SPECC1L: variants seen among roughly 807,000 people sequenced by gnomAD.
The protein encoded by SPECC1L is sperm antigen with calponin homology and coiled-coil domains 1 like.
Under a neutral mutation model 116.8 loss-of-function variants are expected in SPECC1L, and 40 were observed. The ratio of observed to expected loss-of-function variants is 0.34; its 90% CI spans 0.27 to 0.45. The LOEUF is 0.45. SPECC1L is among the 20% of genes least tolerant of loss of function. SPECC1L has a pLI of 1.00. For missense variants in SPECC1L, 1,110 were observed against 1,373.6 expected, an observed-to-expected ratio of 0.81 and a Z score of 3.03; for synonymous variants, 504 against 500.6, an observed-to-expected ratio of 1.01 and a Z score of -0.09.
Position 24,370,923 on chromosome 22 carries a change from A to AG in SPECC1L, c.3087+1606dup, listed in dbSNP as rs770045749. 4.0e-5 allele frequency among the ~76,000 whole-genome samples: 6 copies of AG among 150,726 alleles called. No individual in the cohort carries two copies. The South Asian group carries it at 6.3e-4, about 16-fold the overall frequency. ...AATGATGGTTGCCAGGGGCTGGGGG[A>AG]GGGAAAAAAGAAAGGGGGTGGGTAC... is the stretch of plus-strand genomic sequence containing the variant. On this transcript the variant is annotated intron_variant, in intron 14 of 16. Coordinates refer to ENST00000314328, the MANE Select transcript of SPECC1L (RefSeq NM_015330.6).
At chr22:24,317,235 G>T (rs1372806526) in intron 4 of SPECC1L, among the ~76,000 whole-genome samples, 1 of 101,762 alleles carries the variant, frequency 9.8e-6, no homozygotes, top group African/African-American at 3.5e-5. Context: ...CTCACCTCCC[G>T]GATGGGGCGG....
At chr22:24,342,033 A>G (rs902782299) in intron 10 of SPECC1L, among the ~76,000 whole-genome samples, 3 of 152,238 alleles carry the variant, frequency 2.0e-5, no homozygotes, top group Non-Finnish European at 4.4e-5. Flanking sequence ...CACAGAAACT[A>G]TGAGATCATA....
chr22:24,315,383 T>A (rs974752759), intron 4 of SPECC1L, among the ~76,000 whole-genome samples: 1 of 152,284 alleles, frequency 6.6e-6, no homozygotes, highest in African/African-American at 2.4e-5. Context: ...ATGAGAAAGC[T>A]TAAGTGTCTT....
chr22:24,410,184 G>T (rs542153617), intron 14 of SPECC1L, among the ~76,000 whole-genome samples: 3 of 152,302 alleles, frequency 2.0e-5, no homozygotes, highest in Admixed American at 6.5e-5. Context: ...AGATGGGGGG[G>T]ATCTCACTGT....
chr22:24,413,171 G>A (rs954000762), intron 16 of SPECC1L, among the ~76,000 whole-genome samples: 2 of 152,214 alleles, frequency 1.3e-5, no homozygotes, highest in Non-Finnish European at 2.9e-5. Context: ...GGCTGGACCG[G>A]GGAGGCTCCT....
chr22:24,406,366 G>C (rs2042590728), intron 14 of SPECC1L, among the ~76,000 whole-genome samples: 1 of 152,166 alleles, frequency 6.6e-6, no homozygotes, highest in Non-Finnish European at 1.5e-5. Flanking sequence ...CAGTAGGGAA[G>C]ACAGGGCATG....
intron 13 of SPECC1L, among the ~76,000 whole-genome samples, chr22:24,368,942 C>A (rs747656802): frequency 7.2e-5 from 11 of 152,204 alleles, no homozygotes; most frequent in Non-Finnish European, 1.5e-4. Flanking sequence ...CCACAGCGCC[C>A]GGCACATTTT....
At chr22:24,359,287 G>A (rs1224117906) in intron 11 of SPECC1L, among the ~76,000 whole-genome samples, 2 of 152,112 alleles carry the variant, frequency 1.3e-5, no homozygotes, top group Non-Finnish European at 2.9e-5. Flanking sequence ...GTCACCGAGT[G>A]CACTCCCACG....
rs375846113 is a variant in SPECC1L, at chr22:24,302,124, C to A, written c.-37-71C>A. On this transcript the variant is annotated intron_variant, in intron 2 of 16. Transcript: ENST00000314328. ...AACAGTTTTATCACATGGTAAAATT[C>A]TTCGAAAACAAATTTCTAAAGCGCT... The A allele has an allele frequency of 1.6e-5, 20 of 1,214,800 alleles. No homozygotes were observed. In the African/African-American group the frequency reaches 2.4e-4, roughly 15 times the overall value. The allele number at this position is 1,214,800 out of a possible 1,614,324, so 75.3% of individuals were successfully genotyped here.
intron 14 of SPECC1L, among the ~76,000 whole-genome samples, chr22:24,403,549 C>T (rs1001168195): frequency 2.0e-5 from 3 of 152,178 alleles, no homozygotes; most frequent in Non-Finnish European, 2.9e-5. Context: ...GCTCTGCTGG[C>T]CTCCATCAGA....
intron 4 of SPECC1L, among the ~76,000 whole-genome samples, chr22:24,314,309 A>G (rs1476807958): frequency 1.3e-5 from 2 of 152,212 alleles, no homozygotes; most frequent in African/African-American, 4.8e-5. Context: ...TCGGCCTCCC[A>G]AAGTGCTGGT....
chr22:24,326,040 GC>G (rs968493027), intron 6 of SPECC1L, among the ~76,000 whole-genome samples: 2 of 151,970 alleles, frequency 1.3e-5, no homozygotes, highest in African/African-American at 4.8e-5. Flanking sequence ...TGCAACCTCT[GC>G]CCCCCGGGTT....
chr22:24,370,276 A>G (rs1479281147), intron 14 of SPECC1L, among the ~76,000 whole-genome samples: 1 of 152,274 alleles, frequency 6.6e-6, no homozygotes, highest in African/African-American at 2.4e-5. Context: ...ATTGCAGTGG[A>G]CATACAGAAA....
At chr22:24,325,538 GATTTATTTATTTATTTATTT>G (rs56194800) in intron 6 of SPECC1L, among the ~76,000 whole-genome samples, 77 of 146,784 alleles carry the variant, frequency 5.2e-4, no homozygotes, top group African/African-American at 1.9e-3. Context: ...TACTTAAATG[GATTTATTTATTTATTTATTT>G]ATTTATTTAT....
In SPECC1L at chr22:24,322,133, A is replaced by G; in HGVS notation, c.1153A>G (p.Ser385Gly). The change falls in exon 5 of 17, where the codon AGC (serine) becomes GGC (glycine). Residue 385 changes from serine to glycine, a missense_variant. Coordinates refer to ENST00000314328, the MANE Select transcript of SPECC1L (RefSeq NM_015330.6). ...CATAGAGCGCTCCCGGAAGGGGAGCAGCGGGAATGCCAGTGAAGTGTCCGT... is the reference window on the plus strand; with the variant it reads ...CATAGAGCGCTCCCGGAAGGGGAGCGGCGGGAATGCCAGTGAAGTGTCCGT... ...PSIERSRKGS[S>G]GNASEVSVAC... is the part of the protein sequence containing the mutation. 1 of 1,614,068 alleles carries G rather than the reference A, an allele frequency of 6.2e-7. No homozygotes were observed. The highest frequency in any genetic ancestry group is 8.5e-7 in the Non-Finnish European group (1 of 1,180,040).
intron 4 of SPECC1L, among the ~76,000 whole-genome samples, chr22:24,320,774 A>G (rs1043020116): frequency 1.3e-5 from 2 of 152,224 alleles, no homozygotes; most frequent in African/African-American, 4.8e-5. Context: ...CTTTGGTCAG[A>G]GTAAAATTTT....
In SPECC1L at chr22:24,317,460, C is replaced by T. The variant is rs1365550667; in HGVS notation, c.308-3828C>T. ...GGGGCTGACCCCCCAACCTCCCGGACGGGGCGGCTGGCTGGGCAGGGGGCT... is the reference window on the plus strand; with the variant it reads ...GGGGCTGACCCCCCAACCTCCCGGATGGGGCGGCTGGCTGGGCAGGGGGCT... On this transcript the variant is annotated intron_variant, in intron 4 of 16. Transcript: ENST00000314328. Among the ~76,000 whole-genome samples, 35 of 123,144 alleles carry T rather than the reference C, an allele frequency of 2.8e-4. 3 individuals are homozygous for T. Among genetic ancestry groups the T allele is most frequent in the Non-Finnish European group, 4.2e-4 (23 of 55,174 alleles). The allele number at this position is 123,144 out of a possible 152,430, so 80.8% of individuals were successfully genotyped here. A position where few individuals can be genotyped will look rare whatever the true frequency, so the allele number is the denominator to read the frequency against.
intron 1 of SPECC1L, among the ~76,000 whole-genome samples, chr22:24,274,770 C>T (rs2146318198): frequency 1.3e-5 from 2 of 152,308 alleles, no homozygotes; most frequent in Non-Finnish European, 2.9e-5. Flanking sequence ...AGCCCCAGTA[C>T]CTTCGTAATA....
chr22:24,338,599 T>C (rs2146533140), intron 10 of SPECC1L, 122 bp downstream of exon 10: 4 of 770,958 alleles, frequency 5.2e-6, no homozygotes, highest in Middle Eastern at 3.7e-4. Flanking sequence ...GGGATGTATC[T>C]AGAATTTGTT....
Sources: allele counts gnomAD v4.1 joint callset (sites outside exome capture counted in the v4.1 genomes callset), GRCh38; gene constraint gnomAD v4.1.1; transcripts MANE v1.5; gene names NCBI Gene and HGNC (gene_info 2026-07-23, HGNC 2026-07-21).